NPHP3: variants seen among roughly 807,000 people sequenced by gnomAD.
NPHP3 encodes the protein nephrocystin 3.
Under a neutral mutation model 171.9 loss-of-function variants are expected in NPHP3, and 123 were observed. That is an observed-to-expected ratio of 0.72 (90% confidence interval 0.62 to 0.83). The LOEUF (loss-of-function observed/expected upper bound fraction) is 0.83, where lower values mean the gene tolerates loss of function less well. NPHP3 is among the 40% of genes least tolerant of loss of function. The probability of loss-of-function intolerance (pLI) is 0.00; values close to 1 mark genes in which losing one functional copy is unlikely to be tolerated. For missense variants in NPHP3, 1,506 were observed against 1,591.9 expected (o/e 0.95, Z 0.92); for synonymous variants, 558 against 579.2 (o/e 0.96, Z 0.52).
chr3:132,697,516 T>G (rs1424202272), intron 13 of NPHP3, among the ~76,000 whole-genome samples, 154 bp from the exon 14 acceptor site: 3 of 120,428 alleles, frequency 2.5e-5, no homozygotes, highest in African/African-American at 9.0e-5. Flanking sequence ...ATTAAGTAAT[T>G]AATATATCTT....
chr3:132,718,119 T>G (rs908658114), intron 3 of NPHP3: 2 of 448,550 alleles, frequency 4.5e-6, no homozygotes, highest in Non-Finnish European at 8.9e-6. Flanking sequence ...CCAATGATAC[T>G]ACAATGAAAA....
intron 23 of NPHP3, chr3:132,685,924 G>A (rs1195431679): frequency 1.7e-5 from 5 of 300,336 alleles, no homozygotes; most frequent in South Asian, 3.1e-5. Flanking sequence ...GGTGGCATGC[G>A]CCTGTAGTCC....
chr3:132,696,371 T>C lies in NPHP3; in HGVS notation c.2171+360A>G, dbSNP rs192588054. 3.3e-4 allele frequency among the ~76,000 whole-genome samples: 50 copies of C among 152,334 alleles called. 1 individual carries two copies. In the East Asian group the frequency reaches 7.3e-3, roughly 22 times the overall value. ...GAACAGAGACAATTAAAAATTCATATCCATATATCTACCTCCTGATATTCA... is the reference window on the plus strand; with the variant it reads ...GAACAGAGACAATTAAAAATTCATACCCATATATCTACCTCCTGATATTCA... On this transcript the variant is annotated intron_variant, in intron 15 of 26. Transcript: ENST00000337331.
Position 132,700,426 on chromosome 3 carries a change from A to T in NPHP3, c.1651T>A (p.Ser551Thr), listed in dbSNP as rs1254441672. 3 of 1,610,740 alleles carry T rather than the reference A, an allele frequency of 1.9e-6. No individual in the cohort carries two copies. Among genetic ancestry groups the T allele is most frequent in the Non-Finnish European group, 1.7e-6 (2 of 1,177,916 alleles). Reference protein sequence around the residue: ...SKWIQLQQKNSPNTLILSHFV... With the variant: ...SKWIQLQQKNTPNTLILSHFV... ...TGGGAAAGAATCAGTGTGTTGGGGG[A>T]ATTCTTCTGTTGTAATTGAATCCTG... Residue 551 changes from serine (S) to threonine (T), a missense_variant, in exon 11 of 27, where the codon TCC becomes ACC. Physicochemically the swap from Ser to Thr is moderately conservative, Grantham distance 58 (BLOSUM62 1). Around this residue, in one of 3 missense-constraint regions of NPHP3, gnomAD observed 930 missense variants for 924.9 expected, o/e 1.01. Transcript: ENST00000337331.
At chr3:132,696,119 C>CTT (rs11287660) in intron 15 of NPHP3, among the ~76,000 whole-genome samples, 18 of 145,634 alleles carry the variant, frequency 1.2e-4, no homozygotes, top group African/African-American at 2.7e-4. Flanking sequence ...ATGTATTAAT[C>CTT]TTTTTTTTTT....
At chr3:132,695,097 A>T in intron 15 of NPHP3, 132 bp from the exon 16 acceptor site, 1 of 825,160 alleles carries the variant, frequency 1.2e-6, no homozygotes, top group East Asian at 2.5e-5. Flanking sequence ...AAACATGATA[A>T]AGGAAAGTGG....
At chr3:132,713,721 C>T (rs988251963) in intron 5 of NPHP3, among the ~76,000 whole-genome samples, 1 of 152,106 alleles carries the variant, frequency 6.6e-6, no homozygotes, top group Admixed American at 6.5e-5. Flanking sequence ...GTTAAAAACA[C>T]ATAAATCTAT....
Position 132,700,362 on chromosome 3 carries a change from G to A in NPHP3, c.1715C>T (p.Ser572Phe). Residue 572 changes from serine to phenylalanine, a missense_variant, in exon 11 of 27, where the codon TCC becomes TTC. Coordinates refer to ENST00000337331, the MANE Select transcript of NPHP3 (RefSeq NM_153240.5). ...TAGAGTTAGTCGTTTAATAATCAAG[G>A]AGGACTCTGAGCTGGTTGACATGGG... ...GRPMSTSSES[S>F]LIIKRLTLKL... 6.2e-7 allele frequency: 1 copy of A among 1,610,414 alleles called. No individual in the cohort carries two copies. Among genetic ancestry groups the A allele is most frequent in the Non-Finnish European group, 8.5e-7 (1 of 1,176,670 alleles).
Position 132,708,891 on chromosome 3 carries a change from A to T in NPHP3, c.1119-634T>A, listed in dbSNP as rs556547181. On this transcript the variant is annotated intron_variant, in intron 6 of 26. Transcript: ENST00000337331. ...CAAAATGAGGAATTCTTTGCTCTTG[A>T]TTGGCCCTCCTTCATTATGTCAGCA... 1.4e-3 allele frequency among the ~76,000 whole-genome samples: 217 copies of T among 152,304 alleles called. 1 individual carries two copies. Among genetic ancestry groups the T allele is most frequent in the African/African-American group, 5.1e-3 (211 of 41,548 alleles).
In NPHP3 at chr3:132,684,725, G is replaced by A. The variant is rs766231228; in HGVS notation, c.3399C>T (p.Asp1133=). The A allele has an allele frequency of 4.0e-5, 64 of 1,613,922 alleles. No individual in the cohort carries two copies. Among genetic ancestry groups the A allele is most frequent in the Non-Finnish European group, 2.5e-5 (30 of 1,179,984 alleles). Residue 1133 remains aspartate (D), a synonymous_variant, in exon 24 of 27, where the codon GAC becomes GAT. Coordinates refer to ENST00000337331, the MANE Select transcript of NPHP3 (RefSeq NM_153240.5). ...RERVLGPDHP[D]CAQSLNNLAA... is the part of the protein sequence containing the mutation. The stretch of plus-strand genomic sequence containing the variant: ...CCAGATTATTCAAAGACTGAGCACA[G>A]TCAGGGTGATCTGGTCCTAGAACTC...
rs1374404069 is a variant in NPHP3, at chr3:132,708,145, A to G, written c.1231T>C (p.Leu411=). ...GKVSSDSVQQ[L]IDQVSNLNKT... The stretch of plus-strand genomic sequence containing the variant: ...TTTAGATTAGAAACTTGATCAATCA[A>G]TTGCTGGACAGAGTCAGAACTGACT... The change falls in exon 7 of 27, where the codon TTG becomes CTG. Residue 411 remains leucine (L), a synonymous_variant. Transcript: ENST00000337331. 6.2e-7 allele frequency: 1 copy of G among 1,614,194 alleles called. No individual in the cohort carries two copies. The highest frequency in any genetic ancestry group is 8.5e-7 in the Non-Finnish European group (1 of 1,180,018).
intron 23 of NPHP3, chr3:132,685,959 G>A: frequency 3.0e-6 from 1 of 336,016 alleles, no homozygotes; most frequent in South Asian, 2.5e-5. Flanking sequence ...GCTGAGGCAG[G>A]AGAATAGCTT....
Position 132,700,068 on chromosome 3 carries a change from G to A in NPHP3, c.1744-7C>T. The A allele has an allele frequency of 6.2e-7, 1 of 1,613,888 alleles. No individual in the cohort carries two copies. Among genetic ancestry groups the A allele is most frequent in the South Asian group, 1.1e-5 (1 of 91,074 alleles). ...ACCAAGAGTGCTGCATCAACTACAA[G>A]ATAAGAACACACACAAACTGAAGTA... On this transcript the variant is annotated splice_region_variant and splice_polypyrimidine_tract_variant and intron_variant, in intron 11 of 26. Transcript: ENST00000337331.
intron 6 of NPHP3, among the ~76,000 whole-genome samples, chr3:132,709,255 CTTCT>C (rs1460240385): frequency 1.5e-4 from 23 of 149,610 alleles, no homozygotes; most frequent in African/African-American, 4.9e-4. Context: ...CTCTCCCTCC[CTTCT>C]TTCTTTCTCT....
At chr3:132,696,103 C>CA (rs2107976009) in intron 15 of NPHP3, among the ~76,000 whole-genome samples, 1 of 147,800 alleles carries the variant, frequency 6.8e-6, no homozygotes, top group Admixed American at 6.7e-5. Flanking sequence ...CAATGAATAA[C>CA]AAAAAATGTA....
chr3:132,722,296 G>T lies in NPHP3; in HGVS notation c.60C>A (p.Tyr20Ter). 6.3e-7 allele frequency: 1 copy of T among 1,579,752 alleles called. No homozygotes were observed. Among genetic ancestry groups the T allele is most frequent in the South Asian group, 1.1e-5 (1 of 88,942 alleles). ...CGCAGGCCTCGCCGCCGCCCGCCCC[G>T]TACGTGTCCTCGATCACTTCCCCGC... ...PAGGEVIEDTYGAGGGEACEI... is the reference protein window; with the variant it reads ...PAGGEVIEDT Residue 20 changes from tyrosine (Y) to a stop codon, truncating the protein, a stop_gained, in exon 1 of 27, where the codon TAC becomes TAA. Coordinates refer to ENST00000337331, the MANE Select transcript of NPHP3 (RefSeq NM_153240.5). LOFTEE classifies it high-confidence loss of function.
chr3:132,710,026 T>G (rs888926022), intron 6 of NPHP3, among the ~76,000 whole-genome samples: 6 of 152,170 alleles, frequency 3.9e-5, no homozygotes, highest in Non-Finnish European at 8.8e-5. Flanking sequence ...TGGTATGATC[T>G]CTGGTATTTT....
intron 7 of NPHP3, among the ~76,000 whole-genome samples, chr3:132,706,919 T>C (rs1939771214): frequency 6.6e-6 from 1 of 152,168 alleles, no homozygotes; most frequent in Non-Finnish European, 1.5e-5. Flanking sequence ...TTCCTTTTTG[T>C]CTTAGTCTCT....
intron 5 of NPHP3, 120 bp from the exon 6 acceptor site, chr3:132,713,406 T>C (rs986736538): frequency 1.9e-6 from 1 of 518,870 alleles, no homozygotes; most frequent in South Asian, 5.2e-5. Flanking sequence ...TCTTTTCATA[T>C]AAAATTTTAA....
Sources: gnomAD v4.1 joint callset for allele counts (sites outside exome capture counted in the v4.1 genomes callset) on GRCh38, gnomAD v4.1.1 for gene constraint, gnomAD v4.1.1 regional missense constraint, MANE v1.5 for transcripts, NCBI Gene and HGNC (gene_info 2026-07-23, HGNC 2026-07-21) for gene names.